GRHL2: variants seen among roughly 807,000 people sequenced by gnomAD.
GRHL2 encodes grainyhead like transcription factor 2, also known as grainyhead-like protein 2 homolog.
A neutral mutation model predicts 83.8 loss-of-function variants in GRHL2; 21 were observed. The ratio of observed to expected loss-of-function variants is 0.25; its 90% confidence interval spans 0.18 to 0.36. The LOEUF (loss-of-function observed/expected upper bound fraction) is 0.36, where lower values mean the gene tolerates loss of function less well. Ranked by LOEUF, GRHL2 falls within the 10% of genes least tolerant of loss-of-function variation. GRHL2 has a pLI of 1.00. For missense variants in GRHL2, 623 were observed against 781.8 expected (o/e 0.80, Z 2.42); for synonymous variants, 280 against 278.9 (o/e 1.00, Z -0.04).
intron 1 of GRHL2, among the ~76,000 whole-genome samples, chr8:101,522,574 G>A (rs1048924951): frequency 4.6e-5 from 7 of 152,076 alleles, no homozygotes; most frequent in African/African-American, 1.7e-4. Flanking sequence ...AACCTCTCTG[G>A]ACTTCAGTTT....
chr8:101,542,301 C>T (rs369989734), intron 1 of GRHL2, among the ~76,000 whole-genome samples: 94 of 152,192 alleles, frequency 6.2e-4, no homozygotes, highest in African/African-American at 2.0e-3. Context: ...TTAGGCCAGG[C>T]GTGGTGGCAC....
chr8:101,666,525 C>G, intron 15 of GRHL2, 64 bp from the exon 16 acceptor site: 1 of 945,324 alleles, frequency 1.1e-6, no homozygotes, highest in Non-Finnish European at 1.7e-6. Context: ...CTGGAGCTCC[C>G]CTTGCCCTGG....
intron 7 of GRHL2, among the ~76,000 whole-genome samples, chr8:101,598,740 A>G (rs1812450507): frequency 6.6e-6 from 1 of 152,054 alleles, no homozygotes; most frequent in East Asian, 1.9e-4. Flanking sequence ...GAGAGTGGGT[A>G]GGTGACGTAG....
chr8:101,629,165 AT>A (rs1813135814), intron 9 of GRHL2, among the ~76,000 whole-genome samples: 1 of 152,096 alleles, frequency 6.6e-6, no homozygotes, highest in Non-Finnish European at 1.5e-5. Flanking sequence ...ATCAAACTTC[AT>A]TTTTGCCTTA....
intron 1 of GRHL2, among the ~76,000 whole-genome samples, chr8:101,523,587 C>T (rs892319531): frequency 5.3e-5 from 8 of 151,832 alleles, no homozygotes; most frequent in African/African-American, 4.8e-5. Context: ...GTGATCCTTC[C>T]ACCTCAGCCT....
chr8:101,655,830 A>G (rs961363906), intron 14 of GRHL2, among the ~76,000 whole-genome samples: 2 of 152,328 alleles, frequency 1.3e-5, no homozygotes, highest in African/African-American at 4.8e-5. Context: ...TAGTGAGATG[A>G]GTTTCCAATT....
chr8:101,656,414 G>T (rs143561550), intron 14 of GRHL2, among the ~76,000 whole-genome samples: 445 of 152,302 alleles, frequency 2.9e-3, no homozygotes, highest in Non-Finnish European at 3.9e-3. Context: ...AGGTCCAGAG[G>T]GGGTGGTTTC....
chr8:101,558,706 A>C lies in GRHL2; in HGVS notation c.572A>C (p.Gln191Pro). 6.2e-7 allele frequency: 1 copy of C among 1,614,186 alleles called. No homozygotes were observed. Among genetic ancestry groups the C allele is most frequent in the South Asian group, 1.1e-5 (1 of 91,084 alleles). Residue 191 changes from glutamine (Q) to proline (P), a missense_variant, in exon 4 of 16, where the codon CAG (glutamine) becomes CCG (proline). Coordinates refer to ENST00000646743, the MANE Select transcript of GRHL2 (RefSeq NM_024915.4). ...CGAGTGGTTATCTTTGAACAGACTC[A>C]GTATGACGTGCCCTCGCTGGCCACC... is the stretch of plus-strand genomic sequence containing the variant. ...EQRVVIFEQT[Q>P]YDVPSLATHS...
At chr8:101,678,040 GTGTTCAGC>G in the GRHL2 span, among the ~76,000 whole-genome samples, 1 of 152,116 alleles carries the variant, frequency 6.6e-6, no homozygotes, top group East Asian at 1.9e-4. Flanking sequence ...TTTCAGTAAA[GTGTTCAGC>G]ACACTTCCGG....
chr8:101,646,147 A>G (rs1355497617), intron 13 of GRHL2, among the ~76,000 whole-genome samples: 2 of 152,212 alleles, frequency 1.3e-5, no homozygotes, highest in African/African-American at 4.8e-5. Flanking sequence ...GATTACAGGT[A>G]TTAGCCACCA....
Position 101,619,515 on chromosome 8 carries a change from ACTTTTT to A in GRHL2, c.1099-19_1099-14del. On this transcript the variant is annotated intron_variant, in intron 8 of 15. Transcript: ENST00000646743. ...ACATTCTTTTTATGTTGACTTGTGA[ACTTTTT>A]CTTTCTCTTTCCCTCAGATTTTCAT... 1 of 1,612,372 alleles carries A rather than the reference ACTTTTT, an allele frequency of 6.2e-7. No individual in the cohort carries two copies. Among genetic ancestry groups the A allele is most frequent in the Non-Finnish European group, 8.5e-7 (1 of 1,178,912 alleles).
At chr8:101,654,589 T>TA (rs1563628642) in intron 14 of GRHL2, among the ~76,000 whole-genome samples, 2 of 152,126 alleles carry the variant, frequency 1.3e-5, no homozygotes, top group African/African-American at 2.4e-5. Context: ...GAGTTTTCTT[T>TA]AAAAAAAATA....
At chr8:101,550,302 C>CA in intron 2 of GRHL2, among the ~76,000 whole-genome samples, 1 of 151,964 alleles carries the variant, frequency 6.6e-6, no homozygotes. Flanking sequence ...GCCCAGCACC[C>CA]AGGTAGTGGG....
Position 101,573,728 on chromosome 8 carries a change from C to T in GRHL2, c.795C>T (p.Gly265=). The change falls in exon 6 of 16, where the codon GGC becomes GGT. Residue 265 remains glycine (G), a synonymous_variant. Transcript: ENST00000646743. ...TKSLRQKQGE[G]PMTYLNKGQF... is the part of the protein sequence containing the mutation. Reference sequence around the variant, plus strand: ...CTCTCCGTCAGAAGCAGGGGGAGGGCCCCATGACCTACCTCAACAAAGGAC... The same window carrying T: ...CTCTCCGTCAGAAGCAGGGGGAGGGTCCCATGACCTACCTCAACAAAGGAC... The T allele has an allele frequency of 6.2e-7, 1 of 1,614,136 alleles. No homozygotes were observed. The highest frequency in any genetic ancestry group is 8.5e-7 in the Non-Finnish European group (1 of 1,180,010).
chr8:101,511,033 G>A (rs1810453119), intron 1 of GRHL2, among the ~76,000 whole-genome samples: 1 of 152,120 alleles, frequency 6.6e-6, no homozygotes, highest in Admixed American at 6.5e-5. Flanking sequence ...CCTGGGAGGT[G>A]GAGGTTGCAG....
At chr8:101,535,983 A>C (rs1422011435) in intron 1 of GRHL2, among the ~76,000 whole-genome samples, 1 of 152,192 alleles carries the variant, frequency 6.6e-6, no homozygotes, top group Non-Finnish European at 1.5e-5. Context: ...AATCCTGGAA[A>C]ATTTTCTGGA....
At chr8:101,626,694 TG>T (rs1813087072) in intron 9 of GRHL2, among the ~76,000 whole-genome samples, 1 of 152,106 alleles carries the variant, frequency 6.6e-6, no homozygotes, top group South Asian at 2.1e-4. Flanking sequence ...AACATTTAGA[TG>T]GAGGGAATTA....
chr8:101,543,831 G>A (rs184147884), intron 2 of GRHL2: 11 of 235,686 alleles, frequency 4.7e-5, no homozygotes, highest in African/African-American at 2.3e-4. Flanking sequence ...AGACATACTG[G>A]AGACTGAGAA....
intron 7 of GRHL2, among the ~76,000 whole-genome samples, chr8:101,593,103 C>T (rs1966249): frequency 0.15 from 23,464 of 152,096 alleles, 2,020 homozygotes; most frequent in African/African-American, 0.22. Flanking sequence ...CTTGCCACCA[C>T]GCCTGGCTAA....
Sources: allele counts gnomAD v4.1 joint callset (sites outside exome capture counted in the v4.1 genomes callset), GRCh38; gene constraint gnomAD v4.1.1; transcripts MANE v1.5; gene names NCBI Gene and HGNC (gene_info 2026-07-23, HGNC 2026-07-21).